The following XKR4 variants were observed in gnomAD, a reference collection of about 807,000 sequenced individuals.
XKR4 encodes XK-related protein 4.
XKR4 carries 12 observed loss-of-function variants against 53.9 expected under a neutral mutation model. That is an observed-to-expected ratio of 0.22 (90% CI 0.14 to 0.36). The LOEUF (loss-of-function observed/expected upper bound fraction) is 0.36, where lower values mean the gene tolerates loss of function less well. Ranked by LOEUF, XKR4 falls within the 10% of genes least tolerant of loss-of-function variation. The pLI is 1.00. For synonymous variants in XKR4, 354 were observed against 362.4 expected, an observed-to-expected ratio of 0.98 and a Z score of 0.26; for missense variants, 799 against 859.5, an observed-to-expected ratio of 0.93 and a Z score of 0.88.
intron 1 of XKR4, among the ~76,000 whole-genome samples, chr8:55,139,914 G>T (rs60752879): frequency 0.023 from 3,545 of 152,128 alleles, 134 homozygotes; most frequent in African/African-American, 0.08. Flanking sequence ...AATTAAATAT[G>T]TACACCATTA....
intron 2 of XKR4, among the ~76,000 whole-genome samples, chr8:55,443,700 G>T (rs888231092): frequency 5.9e-5 from 9 of 151,502 alleles, no homozygotes; most frequent in Non-Finnish European, 1.3e-4. Context: ...AAAGAGCCGG[G>T]CATGGTGGCC....
chr8:55,542,024 TAAAG>T lies in XKR4; in HGVS notation c.*17801_*17804del. The T allele has an allele frequency of 6.6e-6, 1 of 150,708 alleles. No individual in the cohort carries two copies. Among genetic ancestry groups the T allele is most frequent in the East Asian group, 1.9e-4 (1 of 5,172 alleles). 9.3% of individuals were successfully genotyped at this position (150,708 alleles called of 1,614,324 possible). On this transcript the variant is annotated 3_prime_UTR_variant, in exon 3 of 3. Coordinates refer to ENST00000327381, the MANE Select transcript of XKR4 (RefSeq NM_052898.2). ...GTTACATGGTTTTTCTTGTAAAACT[TAAAG>T]AAAAAAAAAGAAAACTTGAAATTTT...
At chr8:55,219,339 G>C (rs1320260360) in intron 1 of XKR4, among the ~76,000 whole-genome samples, 1 of 152,128 alleles carries the variant, frequency 6.6e-6, no homozygotes, top group Non-Finnish European at 1.5e-5. Flanking sequence ...TTCATGCTGA[G>C]AGTAGCAATT....
rs567334643 is a variant in XKR4 at position 55,308,146 on chromosome 8, G to A, written c.807-49532G>A. Among the ~76,000 whole-genome samples, 24 of 152,242 alleles carry A rather than the reference G, an allele frequency of 1.6e-4. No individual in the cohort carries two copies. In the South Asian group the frequency reaches 4.6e-3, roughly 29 times the overall value. On this transcript the variant is annotated intron_variant, in intron 1 of 2. Transcript: ENST00000327381. ...CATGTGCCTGTAGTCCCAGTTACTC[G>A]GGAGGCTGAGGCAGGAGAATTGCTT...
chr8:55,497,081 T>G (rs1298684815), intron 2 of XKR4, among the ~76,000 whole-genome samples: 1 of 152,186 alleles, frequency 6.6e-6, no homozygotes, highest in African/African-American at 2.4e-5. Context: ...GCAATACACT[T>G]TCGTCCATGA....
At chr8:55,214,827 C>A (rs1339962899) in intron 1 of XKR4, among the ~76,000 whole-genome samples, 1 of 152,038 alleles carries the variant, frequency 6.6e-6, no homozygotes, top group African/African-American at 2.4e-5. Context: ...GTCTCTGGGA[C>A]CAGTAATAAA....
rs896489942 is a variant in XKR4, at chr8:55,533,267, G to T, written c.*9040G>T. The stretch of plus-strand genomic sequence containing the variant: ...AACCTTTGACCTGTGGTTTTCTGCT[G>T]AGCCCCTTGTGATTTTTTTTATTCT... On this transcript the variant is annotated 3_prime_UTR_variant, in exon 3 of 3. Coordinates refer to ENST00000327381, the MANE Select transcript of XKR4 (RefSeq NM_052898.2). 2 of 152,136 alleles carry T rather than the reference G, an allele frequency of 1.3e-5. No individual in the cohort carries two copies. The highest frequency in any genetic ancestry group is 2.4e-5 in the African/African-American group (1 of 41,428). The allele number at this position is 152,136 out of a possible 1,614,324, so 9.4% of individuals were successfully genotyped here.
In XKR4 at chr8:55,112,664, T is replaced by G. The variant is rs1044591221; in HGVS notation, c.806+9370T>G. Among the ~76,000 whole-genome samples, 3 of 142,002 alleles carry G rather than the reference T, an allele frequency of 2.1e-5. No individual in the cohort carries two copies. In the Admixed American group the frequency reaches 2.2e-4, roughly 11 times the overall value. The allele number at this position is 142,002 out of a possible 152,430, so 93.2% of individuals were successfully genotyped here. ...CATCAACTAAATGATTCCCTATAAC[T>G]TCTATCATTAGTTCATGGCATAGTC... On this transcript the variant is annotated intron_variant, in intron 1 of 2. Transcript: ENST00000327381.
intron 1 of XKR4, among the ~76,000 whole-genome samples, chr8:55,356,769 A>C (rs1184633560): frequency 6.6e-6 from 1 of 152,170 alleles, no homozygotes; most frequent in South Asian, 2.1e-4. Context: ...ACCCTTGAAC[A>C]ATACAAGTTT....
rs531749438 is a variant in XKR4, at chr8:55,478,772, T to C, written c.1007-44509T>C. ...ATCCTAGTCTCTGATAAAACAGACT[T>C]TAAACCAACAGAGATCAAAAGAGAC... On this transcript the variant is annotated intron_variant, in intron 2 of 2. Coordinates refer to ENST00000327381, the MANE Select transcript of XKR4 (RefSeq NM_052898.2). Among the ~76,000 whole-genome samples, 4 of 152,064 alleles carry C rather than the reference T, an allele frequency of 2.6e-5. No homozygotes were observed. In the South Asian group the frequency reaches 8.3e-4, roughly 32 times the overall value.
At chr8:55,302,213 TG>T (rs1819210828) in intron 1 of XKR4, among the ~76,000 whole-genome samples, 1 of 152,236 alleles carries the variant, frequency 6.6e-6, no homozygotes, top group Non-Finnish European at 1.5e-5. Flanking sequence ...TTTCTACATA[TG>T]GCCAGCCAGT....
intron 1 of XKR4, among the ~76,000 whole-genome samples, chr8:55,178,336 G>A (rs1817259921): frequency 6.6e-6 from 1 of 152,046 alleles, no homozygotes; most frequent in Admixed American, 6.5e-5. Context: ...GTGTGATCTT[G>A]GGCTGACAGC....
At chr8:55,381,527 C>T (rs1804232308) in intron 2 of XKR4, among the ~76,000 whole-genome samples, 2 of 152,178 alleles carry the variant, frequency 1.3e-5, no homozygotes, top group African/African-American at 4.8e-5. Context: ...GCCATGGAAT[C>T]TGGACTTTTG....
chr8:55,490,937 C>G (rs572635773), intron 2 of XKR4, among the ~76,000 whole-genome samples: 1 of 152,042 alleles, frequency 6.6e-6, no homozygotes, highest in Non-Finnish European at 1.5e-5. Context: ...TCTGCCCCCC[C>G]CCCACCTTTA....
At chr8:55,394,084 T>C (rs931017421) in intron 2 of XKR4, among the ~76,000 whole-genome samples, 3 of 152,202 alleles carry the variant, frequency 2.0e-5, no homozygotes, top group South Asian at 2.1e-4. Flanking sequence ...ATCTCTCAAT[T>C]TGGTAGCCAA....
intron 1 of XKR4, among the ~76,000 whole-genome samples, chr8:55,310,264 A>G (rs1032795806): frequency 2.0e-5 from 3 of 152,202 alleles, no homozygotes; most frequent in African/African-American, 7.2e-5. Flanking sequence ...GAAAATATGC[A>G]TGGTCTTTGG....
At chr8:55,309,730 T>C (rs887069892) in intron 1 of XKR4, among the ~76,000 whole-genome samples, 2 of 152,222 alleles carry the variant, frequency 1.3e-5, no homozygotes, top group African/African-American at 4.8e-5. Context: ...TGCAGCTGCA[T>C]GTGAATCAAC....
intron 1 of XKR4, among the ~76,000 whole-genome samples, chr8:55,179,522 G>A (rs2129359527): frequency 6.6e-6 from 1 of 152,304 alleles, no homozygotes; most frequent in Admixed American, 6.5e-5. Flanking sequence ...GCCTGAAAAT[G>A]ATTGATTTTT....
intron 1 of XKR4, among the ~76,000 whole-genome samples, chr8:55,300,399 A>C (rs1044079892): frequency 2.0e-5 from 3 of 152,106 alleles, no homozygotes; most frequent in Non-Finnish European, 4.4e-5. Flanking sequence ...AGAATTTCTT[A>C]AGTTTATTTC....
Sources: gnomAD v4.1 joint callset for allele counts (sites outside exome capture counted in the v4.1 genomes callset) on GRCh38, gnomAD v4.1.1 for gene constraint, MANE v1.5 for transcripts, NCBI Gene and HGNC (gene_info 2026-07-23, HGNC 2026-07-21) for gene names.